SLC9A9: variants seen among roughly 807,000 people sequenced by gnomAD.
The protein encoded by SLC9A9 is sodium/hydrogen exchanger 9.
In SLC9A9, 62 loss-of-function variants were observed where a neutral mutation model predicts 77.8. That is an observed-to-expected ratio of 0.80 (90% CI 0.65 to 0.98). The LOEUF (loss-of-function observed/expected upper bound fraction) is 0.98. Among genes scored for constraint, SLC9A9 ranks in the 50% least tolerant of loss-of-function variants. The pLI is 0.00. For missense variants in SLC9A9, 775 were observed against 774.9 expected (o/e 1.00, Z 0.00); for synonymous variants, 320 against 283.5 (o/e 1.13, Z -1.29).
At chr3:143,329,361 G>A (rs1192498568) in intron 14 of SLC9A9, among the ~76,000 whole-genome samples, 1 of 152,106 alleles carries the variant, frequency 6.6e-6, no homozygotes, top group Non-Finnish European at 1.5e-5. Context: ...GAACAACATG[G>A]CCAAAATGAA....
chr3:143,762,214 A>AT (rs71629566), intron 4 of SLC9A9, among the ~76,000 whole-genome samples: 1 of 152,174 alleles, frequency 6.6e-6, no homozygotes, highest in Admixed American at 6.5e-5. Context: ...GGGGGAAGGG[A>AT]TAGCATTAGG....
intron 4 of SLC9A9, among the ~76,000 whole-genome samples, chr3:143,763,778 A>T (rs574728026): frequency 6.6e-6 from 1 of 151,620 alleles, no homozygotes; most frequent in Non-Finnish European, 1.5e-5. Context: ...ATCTCCATCT[A>T]GTGGAATCTT....
intron 14 of SLC9A9, among the ~76,000 whole-genome samples, chr3:143,313,779 ATGC>A (rs1288346444): frequency 6.6e-6 from 1 of 152,192 alleles, no homozygotes; most frequent in East Asian, 1.9e-4. Context: ...CTCTGCCTAG[ATGC>A]TGCTGGGGAA....
intron 4 of SLC9A9, among the ~76,000 whole-genome samples, chr3:143,724,101 T>A (rs111799138): frequency 8.5e-5 from 13 of 152,218 alleles, no homozygotes; most frequent in African/African-American, 3.1e-4. Flanking sequence ...GGTTTGGCTC[T>A]GTGTCCCCAC....
At chr3:143,394,764 C>G (rs1408622616) in intron 12 of SLC9A9, among the ~76,000 whole-genome samples, 3 of 152,180 alleles carry the variant, frequency 2.0e-5, no homozygotes, top group Admixed American at 1.3e-4. Flanking sequence ...TCTCAGGATA[C>G]AAAATCAATG....
chr3:143,842,837 T>C (rs1430025840), intron 1 of SLC9A9, among the ~76,000 whole-genome samples: 2 of 152,200 alleles, frequency 1.3e-5, no homozygotes, highest in Non-Finnish European at 2.9e-5. Context: ...GATATCATTA[T>C]AGGCTGCCAT....
intron 14 of SLC9A9, among the ~76,000 whole-genome samples, chr3:143,288,564 G>C (rs910894636): frequency 6.6e-6 from 1 of 152,142 alleles, no homozygotes; most frequent in African/African-American, 2.4e-5. Context: ...TAGACATTGG[G>C]CTCATTCTGG....
chr3:143,832,165 C>G lies in SLC9A9; in HGVS notation c.232G>C (p.Gly78Arg). Residue 78 changes from glycine to arginine, a missense_variant, in exon 2 of 16, where the codon GGA (glycine) becomes CGA (arginine). Physicochemically the swap from Gly to Arg is moderately radical, Grantham distance 125. Coordinates refer to ENST00000316549, the MANE Select transcript of SLC9A9 (RefSeq NM_173653.4). The part of the protein sequence containing the change: ...YATAPTDIES[G>R]TVYDCVKLTF... The stretch of plus-strand genomic sequence containing the variant: ...AGTTTTACACAGTCATAGACAGTTC[C>G]ACTTTCAATATCAGTTGGTGCTGTA... 2 of 1,612,990 alleles carry G rather than the reference C, an allele frequency of 1.2e-6. No individual in the cohort carries two copies. The highest frequency in any genetic ancestry group is 1.7e-6 in the Non-Finnish European group (2 of 1,179,560).
intron 13 of SLC9A9, among the ~76,000 whole-genome samples, chr3:143,370,863 G>T (rs1474438777): frequency 6.6e-6 from 1 of 152,064 alleles, no homozygotes; most frequent in Non-Finnish European, 1.5e-5. Flanking sequence ...TGGATAACTG[G>T]CAGCAAAGGA....
intron 5 of SLC9A9, among the ~76,000 whole-genome samples, chr3:143,667,302 CT>C (rs1032539208): frequency 5.9e-5 from 9 of 152,132 alleles, no homozygotes; most frequent in African/African-American, 2.2e-4. Flanking sequence ...AACTGGATCC[CT>C]TCCTTACACC....
intron 9 of SLC9A9, among the ~76,000 whole-genome samples, chr3:143,551,025 C>T (rs1182260298): frequency 1.3e-5 from 2 of 152,118 alleles, no homozygotes; most frequent in Non-Finnish European, 2.9e-5. Flanking sequence ...TGAGGTCATA[C>T]CAGAGTATGG....
chr3:143,455,331 G>A (rs371490721), intron 12 of SLC9A9, among the ~76,000 whole-genome samples: 1 of 152,250 alleles, frequency 6.6e-6, no homozygotes, highest in East Asian at 1.9e-4. Flanking sequence ...GTTAAAGTGA[G>A]TCTTAAAATC....
chr3:143,678,952 G>A (rs1932987495), intron 5 of SLC9A9, among the ~76,000 whole-genome samples: 1 of 149,536 alleles, frequency 6.7e-6, no homozygotes, highest in South Asian at 2.1e-4. Flanking sequence ...AAGTGGAATT[G>A]AAACTAATAA....
At chr3:143,696,584 C>T (rs1310574666) in intron 4 of SLC9A9, among the ~76,000 whole-genome samples, 2 of 152,184 alleles carry the variant, frequency 1.3e-5, no homozygotes, top group African/African-American at 2.4e-5. Context: ...CTGGCATTAG[C>T]CCAACTTCAC....
intron 2 of SLC9A9, among the ~76,000 whole-genome samples, chr3:143,797,183 T>C (rs1293756087): frequency 2.7e-5 from 4 of 150,090 alleles, no homozygotes; most frequent in Non-Finnish European, 5.9e-5. Flanking sequence ...TCTTTTTATA[T>C]ATATATAAAA....
intron 4 of SLC9A9, among the ~76,000 whole-genome samples, chr3:143,713,923 C>A (rs1934263246): frequency 6.6e-6 from 1 of 152,126 alleles, no homozygotes. Flanking sequence ...GTTATCAAAG[C>A]AAAAATTTTA....
At chr3:143,582,052 T>C (rs890519861) in intron 6 of SLC9A9, among the ~76,000 whole-genome samples, 3 of 152,174 alleles carry the variant, frequency 2.0e-5, no homozygotes, top group African/African-American at 4.8e-5. Context: ...AAGAAAAGCA[T>C]GAAGGAAGGA....
At chr3:143,528,904 C>G (rs887031152) in intron 9 of SLC9A9, among the ~76,000 whole-genome samples, 2 of 151,994 alleles carry the variant, frequency 1.3e-5, no homozygotes, top group East Asian at 3.9e-4. Flanking sequence ...TTTGATTGAT[C>G]TTCATGACTT....
intron 12 of SLC9A9, among the ~76,000 whole-genome samples, chr3:143,401,922 G>GTTCAGAGT (rs1272880366): frequency 6.6e-5 from 10 of 152,308 alleles, no homozygotes; most frequent in Admixed American, 2.0e-4. Flanking sequence ...GTTCTCAGAA[G>GTTCAGAGT]TCTTTCTAGA....
Sources: allele counts gnomAD v4.1 joint callset (sites outside exome capture counted in the v4.1 genomes callset), GRCh38; gene constraint gnomAD v4.1.1; transcripts MANE v1.5; gene names NCBI Gene and HGNC (gene_info 2026-07-23, HGNC 2026-07-21).